ZNF510: variants seen among roughly 807,000 people sequenced by gnomAD.
The protein encoded by ZNF510 is zinc finger protein 510.
Under a neutral mutation model 18.1 loss-of-function variants are expected in ZNF510, and 15 were observed. The ratio of observed to expected loss-of-function variants is 0.83; its 90% CI spans 0.55 to 1.28. The LOEUF (loss-of-function observed/expected upper bound fraction) is 1.28, where lower values mean the gene tolerates loss of function less well. Ranked by LOEUF, ZNF510 falls within the 50% of genes most tolerant of loss-of-function variation. The pLI, the probability that ZNF510 is intolerant of heterozygous loss-of-function variation, is 0.00. For missense variants in ZNF510, 724 were observed against 791.8 expected, an observed-to-expected ratio of 0.91 and a Z score of 1.03; for synonymous variants, 261 against 266.4, an observed-to-expected ratio of 0.98 and a Z score of 0.20.
chr9:96,759,270 T>G lies in ZNF510; in HGVS notation c.1560A>C (p.Gln520His). 1 of 1,614,106 alleles carries G rather than the reference T, an allele frequency of 6.2e-7. No homozygotes were observed. The change falls in exon 6 of 6, where the codon CAA becomes CAC. Residue 520 changes from glutamine (Q) to histidine (H), a missense_variant. Physicochemically the swap from Gln to His is conservative, Grantham distance 24. Transcript: ENST00000223428. The stretch of plus-strand genomic sequence containing the variant: ...ACTTCTGGCCAAATGTTTTTCCACA[T>G]TGATTGCATTGAAAGGATTTCTCCC... Reference protein sequence around the residue: ...HTGEKSFQCNQCGKTFGQKSN... With the variant: ...HTGEKSFQCNHCGKTFGQKSN...
In ZNF510 at chr9:96,758,393, AG is replaced by A. The variant is rs1483321278; in HGVS notation, c.*384del. On this transcript the variant is annotated 3_prime_UTR_variant, in exon 6 of 6. Transcript: ENST00000223428. The stretch of plus-strand genomic sequence containing the variant: ...TCCACATCTTAGTAGCCAGTCACAA[AG>A]ACCAACCTGGATGAAAAGGAGATTG... 2 of 169,630 alleles carry A rather than the reference AG, an allele frequency of 1.2e-5. No homozygotes were observed. The highest frequency in any genetic ancestry group is 2.5e-5 in the Non-Finnish European group (2 of 79,178). The allele number at this position is 169,630 out of a possible 1,614,324, so 10.5% of individuals were successfully genotyped here.
rs1370169229 is a variant in ZNF510 at position 96,774,861 on chromosome 9, G to A, written c.71-15C>T. On this transcript the variant is annotated splice_polypyrimidine_tract_variant and intron_variant, in intron 2 of 5. Coordinates refer to ENST00000223428, the MANE Select transcript of ZNF510 (RefSeq NM_014930.3). ...TAAAGGATAACCTGGGGGTGAGGAA[G>A]GAGTCATGAGAGATCTGGGCAGCCT... is the stretch of plus-strand genomic sequence containing the variant. 3.1e-6 allele frequency: 5 copies of A among 1,613,062 alleles called. No homozygotes were observed. Among genetic ancestry groups the A allele is most frequent in the Admixed American group, 1.7e-5 (1 of 59,956 alleles).
Position 96,757,843 on chromosome 9 carries a change from T to C in ZNF510, c.*935A>G, listed in dbSNP as rs1039384546. ...CATTATTTAGTAAAACAAGGGTTAC[T>C]TGAATACAAGCACTGTCATACCCTG... On this transcript the variant is annotated 3_prime_UTR_variant, in exon 6 of 6. Coordinates refer to ENST00000223428, the MANE Select transcript of ZNF510 (RefSeq NM_014930.3). The C allele has an allele frequency of 2.0e-5, 3 of 152,094 alleles. No homozygotes were observed. Among genetic ancestry groups the C allele is most frequent in the African/African-American group, 7.3e-5 (3 of 41,340 alleles). The allele number at this position is 152,094 out of a possible 1,614,324, so 9.4% of individuals were successfully genotyped here.
chr9:96,771,736 A>C (rs1027253921), intron 3 of ZNF510, among the ~76,000 whole-genome samples: 2 of 152,156 alleles, frequency 1.3e-5, no homozygotes, highest in African/African-American at 4.8e-5. Flanking sequence ...CAGATAAGCT[A>C]TTAGAATGAG....
At chr9:96,773,144 T>C (rs1849618055) in intron 3 of ZNF510, among the ~76,000 whole-genome samples, 1 of 152,216 alleles carries the variant, frequency 6.6e-6, no homozygotes, top group Non-Finnish European at 1.5e-5. Context: ...TTATCTTTTT[T>C]CCCTAACATA....
chr9:96,763,060 G>A, intron 5 of ZNF510, 58 bp downstream of exon 5: 1 of 1,447,706 alleles, frequency 6.9e-7, no homozygotes, highest in Non-Finnish European at 9.7e-7. Context: ...CACCCCTAAA[G>A]TGACCTGGAG....
Position 96,760,270 on chromosome 9 carries a change from G to GAAAT in ZNF510, c.556_559dup (p.Ser187TyrfsTer3). The GAAAT allele has an allele frequency of 6.2e-7, 1 of 1,613,096 alleles. No individual in the cohort carries two copies. The highest frequency in any genetic ancestry group is 8.5e-7 in the Non-Finnish European group (1 of 1,179,434). On this transcript the variant is annotated frameshift_variant, in exon 6 of 6. Coordinates refer to ENST00000223428, the MANE Select transcript of ZNF510 (RefSeq NM_014930.3). LOFTEE classifies it low-confidence loss of function (END_TRUNC). Reference sequence around the variant, plus strand: ...GTTTCTATTATTAATGATAAATTCAGAAATACTTTGCAAATTCACTTCCCA... The same window carrying GAAAT: ...GTTTCTATTATTAATGATAAATTCAGAAATAAATACTTTGCAAATTCACTTCCCA...
At chr9:96,774,060 T>C (rs1327895462) in intron 3 of ZNF510, among the ~76,000 whole-genome samples, 1 of 152,264 alleles carries the variant, frequency 6.6e-6, no homozygotes, top group African/African-American at 2.4e-5. Context: ...CCCTCTCTTA[T>C]TATTCCCTAA....
At chr9:96,775,502 GAAA>G (rs1849677691) in intron 2 of ZNF510, among the ~76,000 whole-genome samples, 1 of 151,912 alleles carries the variant, frequency 6.6e-6, no homozygotes, top group Non-Finnish European at 1.5e-5. Flanking sequence ...ACACAAAACT[GAAA>G]AAAAGGAGAT....
intron 3 of ZNF510, among the ~76,000 whole-genome samples, chr9:96,770,895 T>C (rs1447183630): frequency 1.3e-5 from 2 of 152,216 alleles, no homozygotes; most frequent in East Asian, 1.9e-4. Flanking sequence ...TTATATGGTA[T>C]GTGAATTGTA....
chr9:96,759,723 T>G lies in ZNF510; in HGVS notation c.1107A>C (p.Arg369Ser). 5.0e-6 allele frequency: 8 copies of G among 1,614,010 alleles called. No individual in the cohort carries two copies. Among genetic ancestry groups the G allele is most frequent in the Non-Finnish European group, 6.8e-6 (8 of 1,179,992 alleles). ...IEENPLVSND[R>S]TQTWVKSSEY... Reference sequence around the variant, plus strand: ...CAGAGGATTTAACCCAAGTCTGTGTTCTGTCATTACTTACCAATGGGTTCT... The same window carrying G: ...CAGAGGATTTAACCCAAGTCTGTGTGCTGTCATTACTTACCAATGGGTTCT... Residue 369 changes from arginine (R) to serine (S), a missense_variant, in exon 6 of 6, where the codon AGA becomes AGC. Transcript: ENST00000223428.
In ZNF510 at chr9:96,761,631, T is replaced by C. The variant is rs576601209; in HGVS notation, c.353-1154A>G. On this transcript the variant is annotated intron_variant, in intron 5 of 5. Coordinates refer to ENST00000223428, the MANE Select transcript of ZNF510 (RefSeq NM_014930.3). ...GAATTCACCAGTCTCCTAATATTTA[T>C]GTAATAATTTCCTTGATTTTCTTCA... Among the ~76,000 whole-genome samples the C allele has an allele frequency of 8.6e-5, 13 of 151,770 alleles. No homozygotes were observed. The South Asian group carries it at 2.3e-3, about 27-fold the overall frequency.
At position 96,760,540 on chromosome 9, in the gene ZNF510, A is replaced by G. The variant is rs1396414010; in HGVS notation, c.353-63T>C. The G allele has an allele frequency of 1.3e-5, 19 of 1,416,624 alleles. No homozygotes were observed. In the Admixed American group the frequency reaches 4.2e-4, roughly 31 times the overall value. The allele number at this position is 1,416,624 out of a possible 1,614,324, so 87.8% of individuals were successfully genotyped here. ...CATCTTCTGTGGGTAGAGCTTTATC[A>G]ACATACAGCCTATGTTGCACCTAAT... On this transcript the variant is annotated intron_variant, in intron 5 of 5. Coordinates refer to ENST00000223428, the MANE Select transcript of ZNF510 (RefSeq NM_014930.3).
Position 96,760,116 on chromosome 9 carries a change from A to C in ZNF510, c.714T>G (p.Asn238Lys). ...HNKNMKALNY[N>K]ENLPKHPKFQ... ...ACTTTGGATGCTTGGGAAGATTTTC[A>C]TTATAATTGAGAGCTTTCATGTTTT... The change falls in exon 6 of 6, where the codon AAT becomes AAG. Residue 238 changes from asparagine to lysine, a missense_variant. Physicochemically the swap from Asn to Lys is moderately conservative, Grantham distance 94. Transcript: ENST00000223428. 6.2e-7 allele frequency: 1 copy of C among 1,608,776 alleles called. No homozygotes were observed. Among genetic ancestry groups the C allele is most frequent in the Non-Finnish European group, 8.5e-7 (1 of 1,178,484 alleles).
intron 3 of ZNF510, among the ~76,000 whole-genome samples, chr9:96,766,340 A>AT (rs34263595): frequency 0.24 from 34,712 of 142,350 alleles, 5,286 homozygotes; most frequent in Non-Finnish European, 0.35. Context: ...CACCACTACT[A>AT]TTTTTTTTTT....
chr9:96,759,130 G>A lies in ZNF510; in HGVS notation c.1700C>T (p.Thr567Met), dbSNP rs141866339. ...GTTACATTTGAATGGTTTCTCTCCC[G>A]TGTGAGTTTTCTGATGTTGAATGAG... ...DHLIQHQKTH[T>M]GEKPFKCNEC... The change falls in exon 6 of 6, where the codon ACG becomes ATG. Residue 567 changes from threonine (T) to methionine (M), a missense_variant. Coordinates refer to ENST00000223428, the MANE Select transcript of ZNF510 (RefSeq NM_014930.3). The A allele has an allele frequency of 3.9e-5, 63 of 1,613,968 alleles. No individual in the cohort carries two copies. Among genetic ancestry groups the A allele is most frequent in the Non-Finnish European group, 4.5e-5 (53 of 1,179,960 alleles).
intron 5 of ZNF510, 81 bp downstream of exon 5, chr9:96,763,037 A>C (rs775331902): frequency 8.9e-7 from 1 of 1,119,826 alleles, no homozygotes; most frequent in Admixed American, 1.7e-5. Flanking sequence ...AAGTCTTGCA[A>C]TATTTAGGTG....
At position 96,759,581 on chromosome 9, in the gene ZNF510, C is replaced by T. The variant is rs1202715725; in HGVS notation, c.1249G>A (p.Gly417Arg). The change falls in exon 6 of 6, where the codon GGA becomes AGA. Residue 417 changes from glycine to arginine, a missense_variant. Transcript: ENST00000223428. ...GTTCTCTGATGTTGAATGAGATGTC[C>T]TTTCTGACAGAAGGATTTCCCACAT... is the stretch of plus-strand genomic sequence containing the variant. Reference protein sequence around the residue: ...NECGKSFCQKGHLIQHQRTHT... With the variant: ...NECGKSFCQKRHLIQHQRTHT... The T allele has an allele frequency of 1.9e-6, 3 of 1,613,924 alleles. No individual in the cohort carries two copies. Among genetic ancestry groups the T allele is most frequent in the African/African-American group, 2.7e-5 (2 of 74,928 alleles).
At position 96,757,390 on chromosome 9, in the gene ZNF510, C is replaced by CTA. The variant is rs1398811241; in HGVS notation, c.*1386_*1387dup. On this transcript the variant is annotated 3_prime_UTR_variant, in exon 6 of 6. Transcript: ENST00000223428. ...ATGCAAAGCCCTGTATCAGGTGGTA[C>CTA]TATCAATTTCATTACATTGAAAGGA... 6.6e-6 allele frequency: 1 copy of CTA among 152,206 alleles called. No homozygotes were observed. Among genetic ancestry groups the CTA allele is most frequent in the East Asian group, 1.9e-4 (1 of 5,194 alleles). The allele number at this position is 152,206 out of a possible 1,614,324, so 9.4% of individuals were successfully genotyped here.
Sources: gnomAD v4.1 joint callset for allele counts (sites outside exome capture counted in the v4.1 genomes callset) on GRCh38, gnomAD v4.1.1 for gene constraint, MANE v1.5 for transcripts, NCBI Gene and HGNC (gene_info 2026-07-23, HGNC 2026-07-21) for gene names.